EYS: variants seen among roughly 807,000 people sequenced by gnomAD.
EYS encodes protein eyes shut homolog.
In EYS, 250 loss-of-function variants were observed where a neutral mutation model predicts 282.1. The ratio of observed to expected loss-of-function variants is 0.89; its 90% CI spans 0.80 to 0.98. The LOEUF (loss-of-function observed/expected upper bound fraction) is 0.98, where lower values mean the gene tolerates loss of function less well. EYS is among the 50% of genes least tolerant of loss of function. The pLI is 0.00. For synonymous variants in EYS, 1,355 were observed against 1,282.9 expected (o/e 1.06, Z -1.20); for missense variants, 4,016 against 3,709.0 (o/e 1.08, Z -2.15).
At chr6:64,311,384 G>A (rs919115011) in intron 29 of EYS, among the ~76,000 whole-genome samples, 3 of 152,026 alleles carry the variant, frequency 2.0e-5, no homozygotes, top group African/African-American at 7.2e-5. Flanking sequence ...CCATTGCATG[G>A]TATCTTCATT....
At chr6:64,128,750 A>G (rs1034608783) in intron 31 of EYS, among the ~76,000 whole-genome samples, 4 of 152,324 alleles carry the variant, frequency 2.6e-5, no homozygotes, top group African/African-American at 9.6e-5. Flanking sequence ...ATTCATTCAA[A>G]AAGTATTTAT....
chr6:64,156,895 T>A lies in EYS; in HGVS notation c.6424+73697A>T, dbSNP rs1361577418. Among the ~76,000 whole-genome samples the A allele has an allele frequency of 3.9e-5, 6 of 151,958 alleles. No homozygotes were observed. In the East Asian group the frequency reaches 9.6e-4, roughly 24 times the overall value. ...TTTAATTTTTAATTTTTAATTAATT[T>A]ATTTTTTTATTATTATACTTTAAGT... On this transcript the variant is annotated intron_variant, in intron 31 of 42. Coordinates refer to ENST00000503581, the MANE Select transcript of EYS (RefSeq NM_001142800.2).
At chr6:63,972,371 G>C (rs1178881723) in intron 35 of EYS, among the ~76,000 whole-genome samples, 1 of 152,148 alleles carries the variant, frequency 6.6e-6, no homozygotes, top group Admixed American at 6.6e-5. Context: ...ATGAAAGTGA[G>C]GTTCAGAAAT....
rs1223630940 is a variant in EYS at position 64,848,343 on chromosome 6, T to TTA, written c.2993-25523_2993-25522dup. 7.9e-5 allele frequency among the ~76,000 whole-genome samples: 12 copies of TTA among 152,178 alleles called. No homozygotes were observed. The East Asian group carries it at 1.9e-3, about 24-fold the overall frequency. Reference sequence around the variant, plus strand: ...CTTTGATCATTTAAAAATCAAATGTTTATATATATTTCAATGGTTCCTCTT... The same window carrying TTA: ...CTTTGATCATTTAAAAATCAAATGTTTATATATATATTTCAATGGTTCCTCTT... On this transcript the variant is annotated intron_variant, in intron 19 of 42. Coordinates refer to ENST00000503581, the MANE Select transcript of EYS (RefSeq NM_001142800.2).
At chr6:64,110,131 G>A (rs941971357) in intron 31 of EYS, among the ~76,000 whole-genome samples, 5 of 151,806 alleles carry the variant, frequency 3.3e-5, no homozygotes, top group African/African-American at 1.2e-4. Flanking sequence ...GTATGAACCT[G>A]GTGATTAACG....
chr6:63,833,122 C>A (rs147065384), intron 36 of EYS, among the ~76,000 whole-genome samples: 3,445 of 152,256 alleles, frequency 0.023, 50 homozygotes, highest in South Asian at 0.036. Flanking sequence ...ACTGAATGGG[C>A]AAAAACTGGA....
In EYS at chr6:64,270,671, A is replaced by G. The variant is rs569071469; in HGVS notation, c.6191+36299T>C. ...GATAAAGAATATATTTGTTAAGCAT[A>G]TGCAACATTTGTTTAACTTTTAAAG... On this transcript the variant is annotated intron_variant, in intron 30 of 42. Coordinates refer to ENST00000503581, the MANE Select transcript of EYS (RefSeq NM_001142800.2). 2.0e-4 allele frequency among the ~76,000 whole-genome samples: 30 copies of G among 152,328 alleles called. 1 individual carries two copies. In the South Asian group the frequency reaches 6.0e-3, roughly 30 times the overall value.
At chr6:65,038,915 C>G (rs563363921) in intron 13 of EYS, among the ~76,000 whole-genome samples, 2 of 151,508 alleles carry the variant, frequency 1.3e-5, no homozygotes, top group South Asian at 4.1e-4. Flanking sequence ...ATTATAAGCG[C>G]TGTCTGGATA....
intron 2 of EYS, among the ~76,000 whole-genome samples, chr6:65,506,822 T>A (rs1013412752): frequency 1.1e-4 from 16 of 152,144 alleles, no homozygotes; most frequent in African/African-American, 3.9e-4. Context: ...AACAGTATTC[T>A]GCTTCATGTG....
chr6:64,389,864 G>T (rs1357650313), intron 28 of EYS, among the ~76,000 whole-genome samples: 1 of 152,120 alleles, frequency 6.6e-6, no homozygotes, highest in Non-Finnish European at 1.5e-5. Context: ...TGAGGTACCG[G>T]GTTCATCTCA....
At chr6:64,837,646 T>C (rs1166613301) in intron 19 of EYS, among the ~76,000 whole-genome samples, 1 of 143,846 alleles carries the variant, frequency 7.0e-6, no homozygotes, top group Non-Finnish European at 1.5e-5. Context: ...ATATGATATA[T>C]ATGATATATG....
intron 22 of EYS, among the ~76,000 whole-genome samples, chr6:64,633,033 G>A (rs9353983): frequency 0.13 from 19,412 of 152,080 alleles, 1,532 homozygotes; most frequent in South Asian, 0.23. Context: ...TATAAAATAA[G>A]TAATTTTAGT....
At chr6:64,482,699 CAG>C (rs1776470209) in intron 26 of EYS, among the ~76,000 whole-genome samples, 1 of 151,694 alleles carries the variant, frequency 6.6e-6, no homozygotes, top group Non-Finnish European at 1.5e-5. Context: ...TATGACAACA[CAG>C]AAATTGTATT....
chr6:64,262,902 T>C (rs1423378529), intron 30 of EYS, among the ~76,000 whole-genome samples: 1 of 152,054 alleles, frequency 6.6e-6, no homozygotes, highest in African/African-American at 2.4e-5. Context: ...AAAGTTTTCT[T>C]TTTAATGTCT....
At chr6:64,921,363 ACACT>A (rs1768342362) in intron 15 of EYS, among the ~76,000 whole-genome samples, 2 of 152,204 alleles carry the variant, frequency 1.3e-5, no homozygotes, top group Non-Finnish European at 2.9e-5. Context: ...AATTTAAATA[ACACT>A]CAAATTGTCT....
chr6:64,343,942 A>C (rs1029958087), intron 29 of EYS, among the ~76,000 whole-genome samples: 1 of 152,150 alleles, frequency 6.6e-6, no homozygotes, highest in Non-Finnish European at 1.5e-5. Flanking sequence ...ACTCAAATAA[A>C]CTAGAAAATC....
intron 2 of EYS, among the ~76,000 whole-genome samples, chr6:65,605,403 CA>C (rs1765751401): frequency 6.6e-6 from 1 of 151,668 alleles, no homozygotes; most frequent in African/African-American, 2.4e-5. Flanking sequence ...TTATAATACA[CA>C]AGGTTTTTGA....
intron 12 of EYS, among the ~76,000 whole-genome samples, chr6:65,265,168 TC>T (rs1767719272): frequency 6.6e-6 from 1 of 151,996 alleles, no homozygotes; most frequent in Admixed American, 6.6e-5. Flanking sequence ...GGTAATGAGA[TC>T]TTTTGTACCC....
chr6:64,590,449 C>T lies in EYS; in HGVS notation c.5418G>A (p.Thr1806=), dbSNP rs550696465. The change falls in exon 26 of 43, where the codon ACG becomes ACA. Residue 1806 remains threonine (T), a synonymous_variant. Coordinates refer to ENST00000503581, the MANE Select transcript of EYS (RefSeq NM_001142800.2). ...VSATPALSIQ[T]SSSMSVIRPD... is the part of the protein sequence containing the mutation. Reference sequence around the variant, plus strand: ...GCCTAATTACAGACATGGAGGAAGACGTCTGTATTGAAAGTGCTGGAGTTG... The same window carrying T: ...GCCTAATTACAGACATGGAGGAAGATGTCTGTATTGAAAGTGCTGGAGTTG... 2.0e-5 allele frequency: 31 copies of T among 1,551,078 alleles called. No homozygotes were observed. The highest frequency in any genetic ancestry group is 2.0e-4 in the Admixed American group (10 of 50,968).
Sources: allele counts gnomAD v4.1 joint callset (sites outside exome capture counted in the v4.1 genomes callset), GRCh38; gene constraint gnomAD v4.1.1; transcripts MANE v1.5; gene names NCBI Gene and HGNC (gene_info 2026-07-23, HGNC 2026-07-21).